JCAD: variants seen among roughly 807,000 people sequenced by gnomAD.
The protein encoded by JCAD is junctional cadherin 5 associated.
Under a neutral mutation model 98.0 loss-of-function variants are expected in JCAD, and 40 were observed. The ratio of observed to expected loss-of-function variants is 0.41; its 90% CI spans 0.32 to 0.53. The LOEUF (loss-of-function observed/expected upper bound fraction) is 0.53. JCAD is among the 20% of genes least tolerant of loss of function. JCAD has a pLI of 0.31. For missense variants in JCAD, 1,705 were observed against 1,738.1 expected (o/e 0.98, Z 0.34); for synonymous variants, 691 against 682.3 (o/e 1.01, Z -0.20).
At chr10:30,092,581 C>G (rs1023807854) in intron 1 of JCAD, among the ~76,000 whole-genome samples, 5 of 152,156 alleles carry the variant, frequency 3.3e-5, no homozygotes, top group African/African-American at 1.2e-4. Context: ...TTATGTCAGG[C>G]AGCCCACACG....
chr10:30,047,668 C>G lies in JCAD; in HGVS notation c.145G>C (p.Asp49His). Residue 49 changes from aspartate to histidine, a missense_variant, in exon 2 of 4, where the codon GAT becomes CAT. Asp to His is a moderately conservative substitution (Grantham distance 81). Coordinates refer to ENST00000375377, the MANE Select transcript of JCAD (RefSeq NM_020848.4). ...CGATGTGCGAGGGCCGCAGGGCCAT[C>G]CTCATGCCCGTTCTGCAGGCCCTGG... ...AGQGLQNGHE[D>H]GPAALAHRKT... 1 of 1,614,236 alleles carries G rather than the reference C, an allele frequency of 6.2e-7. No individual in the cohort carries two copies. The highest frequency in any genetic ancestry group is 1.6e-4 in the Middle Eastern group (1 of 6,062).
In JCAD at chr10:30,029,877, AAG is replaced by A; in HGVS notation, c.282-13_282-12del. 10 of 1,610,312 alleles carry A rather than the reference AAG, an allele frequency of 6.2e-6. No homozygotes were observed. The highest frequency in any genetic ancestry group is 8.5e-6 in the Non-Finnish European group (10 of 1,178,052). On this transcript the variant is annotated splice_polypyrimidine_tract_variant and intron_variant, in intron 2 of 3. Transcript: ENST00000375377. ...GGTTGATTACAAAACCTACAAAACAAAGAGTCACAGACGTTAGGCACAGAAGA... is the reference window on the plus strand; with the variant it reads ...GGTTGATTACAAAACCTACAAAACAAAGTCACAGACGTTAGGCACAGAAGA...
At chr10:30,053,214 G>A (rs1404095449) in intron 1 of JCAD, among the ~76,000 whole-genome samples, 4 of 151,894 alleles carry the variant, frequency 2.6e-5, no homozygotes. Flanking sequence ...TGTATAAATG[G>A]TGGGGGGTGG....
intron 1 of JCAD, among the ~76,000 whole-genome samples, chr10:30,106,850 T>C (rs1229394085): frequency 6.6e-6 from 1 of 152,160 alleles, no homozygotes; most frequent in Non-Finnish European, 1.5e-5. Context: ...CATTTCCCCA[T>C]TTGATTTCTC....
chr10:30,114,133 C>A (rs931597533), intron 1 of JCAD, among the ~76,000 whole-genome samples: 9 of 152,140 alleles, frequency 5.9e-5, no homozygotes, highest in African/African-American at 1.9e-4. Flanking sequence ...CTTAGTTCCC[C>A]GTGCACAATG....
intron 2 of JCAD, among the ~76,000 whole-genome samples, chr10:30,044,092 C>T (rs146531779): frequency 1.1e-4 from 17 of 152,222 alleles, no homozygotes; most frequent in African/African-American, 4.1e-4. Context: ...ACTCTCTCAC[C>T]TTCCACCATG....
chr10:30,105,722 G>A (rs1322840183), intron 1 of JCAD, among the ~76,000 whole-genome samples: 1 of 152,084 alleles, frequency 6.6e-6, no homozygotes, highest in Admixed American at 6.5e-5. Flanking sequence ...TTAAGAATCA[G>A]AAAAATAAGG....
intron 1 of JCAD, among the ~76,000 whole-genome samples, chr10:30,058,557 G>A (rs1837629876): frequency 6.6e-6 from 1 of 152,204 alleles, no homozygotes; most frequent in African/African-American, 2.4e-5. Context: ...ATGCCCAGAA[G>A]AATCCCAGGC....
upstream of JCAD, among the ~76,000 whole-genome samples, chr10:30,061,890 G>C (rs1318374851): frequency 6.6e-6 from 1 of 152,182 alleles, no homozygotes; most frequent in East Asian, 1.9e-4. Context: ...CTGGGGTGGA[G>C]CACCTCTATG....
At chr10:30,018,391 C>A (rs932507805) in intron 3 of JCAD, among the ~76,000 whole-genome samples, 1 of 151,458 alleles carries the variant, frequency 6.6e-6, no homozygotes, top group African/African-American at 2.4e-5. Flanking sequence ...GCGTGAGGAT[C>A]CTCAAATCCT....
intron 1 of JCAD, among the ~76,000 whole-genome samples, chr10:30,073,990 G>C (rs1837939135): frequency 6.6e-6 from 1 of 152,134 alleles, no homozygotes; most frequent in Non-Finnish European, 1.5e-5. Flanking sequence ...CTGAGCATAT[G>C]GCTGTGAGTG....
intron 1 of JCAD, among the ~76,000 whole-genome samples, chr10:30,075,352 T>A (rs939056628): frequency 2.6e-5 from 4 of 152,194 alleles, no homozygotes; most frequent in African/African-American, 4.8e-5. Flanking sequence ...CAACATGCGT[T>A]TAGTTGGGTT....
intron 2 of JCAD, among the ~76,000 whole-genome samples, chr10:30,039,070 C>T (rs771159860): frequency 4.6e-5 from 7 of 152,230 alleles, no homozygotes; most frequent in Non-Finnish European, 1.0e-4. Flanking sequence ...ATGGCAAGGA[C>T]GCACTGATGC....
intron 1 of JCAD, among the ~76,000 whole-genome samples, chr10:30,087,763 G>A (rs1042337232): frequency 2.0e-5 from 3 of 152,226 alleles, no homozygotes; most frequent in Non-Finnish European, 4.4e-5. Context: ...AAAGCAGGGC[G>A]GGGAAGTGGG....
intron 3 of JCAD, among the ~76,000 whole-genome samples, chr10:30,019,303 G>A (rs1325743723): frequency 1.3e-5 from 2 of 148,382 alleles, no homozygotes; most frequent in African/African-American, 2.5e-5. Flanking sequence ...GTTGCTGTGA[G>A]CCGAGATGGC....
rs79177612 is a variant in JCAD at position 30,037,458 on chromosome 10, A to G, written c.282-7592T>C. On this transcript the variant is annotated intron_variant, in intron 2 of 3. Coordinates refer to ENST00000375377, the MANE Select transcript of JCAD (RefSeq NM_020848.4). ...TCTTCAGCAAAGTTCAATTTGAACA[A>G]GAATTGTAGGTTGCGCTGGCAGAAT... Among the ~76,000 whole-genome samples the G allele has an allele frequency of 7.7e-3, 1,178 of 152,352 alleles. 19 individuals are homozygous for G. The highest frequency in any genetic ancestry group is 0.056 in the South Asian group (272 of 4,826).
chr10:30,060,426 C>T (rs1027209001), upstream of JCAD, among the ~76,000 whole-genome samples: 1 of 152,168 alleles, frequency 6.6e-6, no homozygotes, highest in Non-Finnish European at 1.5e-5. Flanking sequence ...TCTCTTACAG[C>T]GGGAAGGGGC....
At chr10:30,049,839 CA>C (rs1837432428) in intron 1 of JCAD, among the ~76,000 whole-genome samples, 1 of 152,182 alleles carries the variant, frequency 6.6e-6, no homozygotes, top group Non-Finnish European at 1.5e-5. Flanking sequence ...GCTTTATCCC[CA>C]GCAACTTGCA....
chr10:30,081,629 G>C (rs558517684), intron 1 of JCAD, among the ~76,000 whole-genome samples: 1 of 151,916 alleles, frequency 6.6e-6, no homozygotes. Flanking sequence ...ACGGGGTTTC[G>C]CCATGTTTGC....
Sources: gnomAD v4.1 joint callset for allele counts (sites outside exome capture counted in the v4.1 genomes callset) on GRCh38, gnomAD v4.1.1 for gene constraint, MANE v1.5 for transcripts, NCBI Gene and HGNC (gene_info 2026-07-23, HGNC 2026-07-21) for gene names.